Variants in NRXN1 observed in about 807,000 individuals in gnomAD.
The protein encoded by NRXN1 is neurexin 1.
In NRXN1, 39 loss-of-function variants were observed where a neutral mutation model predicts 150.9. That is an observed-to-expected ratio of 0.26 (90% CI 0.20 to 0.34). NRXN1 has a LOEUF of 0.34. NRXN1 is among the 10% of genes least tolerant of loss of function. The probability of loss-of-function intolerance (pLI) is 1.00; values close to 1 mark genes in which losing one functional copy is unlikely to be tolerated. For synonymous variants in NRXN1, 924 were observed against 757.0 expected (o/e 1.22, Z -3.62); for missense variants, 1,815 against 1,949.9 (o/e 0.93, Z 1.30).
At chr2:50,629,343 T>G (rs1054761557) in intron 5 of NRXN1, among the ~76,000 whole-genome samples, 5 of 151,520 alleles carry the variant, frequency 3.3e-5, no homozygotes, top group African/African-American at 7.3e-5. Flanking sequence ...ATAATAATGT[T>G]TAGCTAAAAA....
In NRXN1 at chr2:50,148,678, A is replaced by G. The variant is rs141312543; in HGVS notation, c.3547-57184T>C. Among the ~76,000 whole-genome samples, 437 of 151,840 alleles carry G rather than the reference A, an allele frequency of 2.9e-3. 1 individual carries two copies. The highest frequency in any genetic ancestry group is 5.2e-3 in the Non-Finnish European group (352 of 67,786). On this transcript the variant is annotated intron_variant, in intron 18 of 22. Transcript: ENST00000401669. ...TGACTGACCCATGATTCAGAATTGC[A>G]ATCACAAAGTGCCCCTGATGCTACT... is the stretch of plus-strand genomic sequence containing the variant.
chr2:50,369,101 G>C (rs1329686324), intron 17 of NRXN1, among the ~76,000 whole-genome samples: 1 of 151,822 alleles, frequency 6.6e-6, no homozygotes, highest in East Asian at 1.9e-4. Context: ...TACCTTCCCA[G>C]GGAGTCAGGT....
At chr2:50,762,286 C>G (rs1701888352) in intron 5 of NRXN1, among the ~76,000 whole-genome samples, 1 of 151,818 alleles carries the variant, frequency 6.6e-6, no homozygotes, top group Non-Finnish European at 1.5e-5. Context: ...AGACTACAGG[C>G]TCATGCCACC....
intron 5 of NRXN1, among the ~76,000 whole-genome samples, chr2:50,638,749 G>A (rs1462018850): frequency 1.3e-5 from 2 of 151,920 alleles, no homozygotes; most frequent in African/African-American, 4.8e-5. Context: ...GACAGTATAT[G>A]GCAAAAATAT....
chr2:50,134,273 G>GAA (rs59985780), intron 18 of NRXN1, among the ~76,000 whole-genome samples: 22,039 of 96,004 alleles, frequency 0.23, 2,191 homozygotes, highest in East Asian at 0.38. Flanking sequence ...AAAGTAACCA[G>GAA]AAAAAAAAAA....
At chr2:50,895,841 A>C (rs1239392482) in intron 5 of NRXN1, among the ~76,000 whole-genome samples, 3 of 151,976 alleles carry the variant, frequency 2.0e-5, no homozygotes, top group African/African-American at 7.2e-5. Context: ...CAGCCTCCCA[A>C]AGTGCTGGGA....
intron 8 of NRXN1, among the ~76,000 whole-genome samples, chr2:50,558,782 G>C (rs536633502): frequency 2.6e-5 from 4 of 152,122 alleles, no homozygotes; most frequent in Non-Finnish European, 5.9e-5. Context: ...AGTGAAGGCC[G>C]AGCGCAGTGG....
intron 5 of NRXN1, among the ~76,000 whole-genome samples, chr2:50,831,626 A>G (rs937181535): frequency 1.3e-5 from 2 of 152,206 alleles, no homozygotes; most frequent in Admixed American, 6.5e-5. Context: ...TTCTGTCTTT[A>G]GAATACAGTT....
At chr2:50,568,738 C>T (rs1388840760) in intron 8 of NRXN1, among the ~76,000 whole-genome samples, 1 of 151,994 alleles carries the variant, frequency 6.6e-6, no homozygotes, top group Admixed American at 6.6e-5. Flanking sequence ...TTTGGAGTTT[C>T]CTCAAAAAAA....
intron 21 of NRXN1, among the ~76,000 whole-genome samples, chr2:49,994,904 C>G (rs1682675588): frequency 1.3e-5 from 2 of 152,174 alleles, no homozygotes; most frequent in Non-Finnish European, 2.9e-5. Flanking sequence ...GTGTGAGAAA[C>G]AGGATTCTGT....
At chr2:50,785,137 G>A (rs1000939038) in intron 5 of NRXN1, among the ~76,000 whole-genome samples, 6 of 151,964 alleles carry the variant, frequency 3.9e-5, no homozygotes, top group Non-Finnish European at 8.8e-5. Flanking sequence ...TGAGGACACA[G>A]TGAGAAGGTG....
chr2:50,883,158 G>A (rs961396397), intron 5 of NRXN1, among the ~76,000 whole-genome samples: 16 of 151,742 alleles, frequency 1.1e-4, no homozygotes, highest in African/African-American at 3.4e-4. Context: ...GTTTTGTGAC[G>A]AATATTCTAT....
At position 49,921,361 on chromosome 2, in the gene NRXN1, G is replaced by A. The variant is rs200870000; in HGVS notation, c.*583C>T. 2.6e-5 allele frequency: 4 copies of A among 152,456 alleles called. No homozygotes were observed. The highest frequency in any genetic ancestry group is 9.7e-5 in the African/African-American group (4 of 41,396). 9.4% of individuals were successfully genotyped at this position (152,456 alleles called of 1,614,324 possible). ...TTTCCTCTCTCACAACCAGAAAGGG[G>A]CTTTTTGAATGTGTTCCTACACAAG... On this transcript the variant is annotated 3_prime_UTR_variant, in exon 23 of 23. Transcript: ENST00000401669.
intron 17 of NRXN1, among the ~76,000 whole-genome samples, chr2:50,353,120 T>A (rs1237806797): frequency 6.6e-6 from 1 of 152,130 alleles, no homozygotes; most frequent in Non-Finnish European, 1.5e-5. Context: ...GAAACGTGAC[T>A]AGATTTATTC....
Position 50,346,589 on chromosome 2 carries a change from C to G in NRXN1, c.3365-109619G>C, listed in dbSNP as rs573793025. 2.4e-5 allele frequency: 30 copies of G among 1,265,566 alleles called. No homozygotes were observed. In the African/African-American group the frequency reaches 4.0e-4, roughly 17 times the overall value. The allele number at this position is 1,265,566 out of a possible 1,614,324, so 78.4% of individuals were successfully genotyped here. Reference sequence around the variant, plus strand: ...ACACCCAAATGCACCTCCCTTTTGTCGAGCTCCCATTTCTCTGAGCCTTAG... The same window carrying G: ...ACACCCAAATGCACCTCCCTTTTGTGGAGCTCCCATTTCTCTGAGCCTTAG... On this transcript the variant is annotated intron_variant, in intron 17 of 22. Transcript: ENST00000401669. This position sits in a 1 kb window ranked among gnomAD's most constrained non-coding sequence, Gnocchi z 5.0.
chr2:50,367,577 C>G (rs1032629562), intron 17 of NRXN1, among the ~76,000 whole-genome samples: 9 of 151,958 alleles, frequency 5.9e-5, no homozygotes, highest in Non-Finnish European at 1.3e-4. Flanking sequence ...ATTGAGGAAA[C>G]AAGTCTTTGG....
intron 8 of NRXN1, among the ~76,000 whole-genome samples, chr2:50,595,753 T>C (rs1464222336): frequency 4.6e-5 from 7 of 152,200 alleles, no homozygotes; most frequent in African/African-American, 1.4e-4. Context: ...CAGGTGTTTT[T>C]TGACTAAAGT....
At chr2:50,469,135 C>A (rs1295522274) in intron 16 of NRXN1, among the ~76,000 whole-genome samples, 1 of 151,570 alleles carries the variant, frequency 6.6e-6, no homozygotes, top group African/African-American at 2.4e-5. Flanking sequence ...AATGGAAATT[C>A]TAGGGCTCTA....
intron 15 of NRXN1, among the ~76,000 whole-genome samples, chr2:50,477,116 TA>T (rs968127622): frequency 2.6e-5 from 4 of 152,112 alleles, no homozygotes; most frequent in Non-Finnish European, 5.9e-5. Flanking sequence ...AGACAAAATT[TA>T]TATGGCATTT....
Sources: allele counts gnomAD v4.1 joint callset (sites outside exome capture counted in the v4.1 genomes callset), GRCh38; gene constraint gnomAD v4.1.1; non-coding constraint Gnocchi (gnomAD v3.1); transcripts MANE v1.5; gene names NCBI Gene and HGNC (gene_info 2026-07-23, HGNC 2026-07-21).